The following CLASP2 variants were observed in gnomAD, a reference collection of about 807,000 sequenced individuals.
CLASP2 encodes the protein CLIP-associating protein 2.
In CLASP2, 47 loss-of-function variants were observed where a neutral mutation model predicts 194.4. The observed-to-expected ratio is 0.24, with a 90% CI of 0.19 to 0.31. CLASP2 has a LOEUF of 0.31. Ranked by LOEUF, CLASP2 falls within the 10% of genes least tolerant of loss-of-function variation. The pLI is 1.00. For missense variants in CLASP2, 1,445 were observed against 1,823.6 expected (o/e 0.79, Z 3.78); for synonymous variants, 619 against 633.5 (o/e 0.98, Z 0.34).
intron 38 of CLASP2, among the ~76,000 whole-genome samples, chr3:33,499,550 C>T (rs1575539777): frequency 6.6e-6 from 1 of 151,938 alleles, no homozygotes; most frequent in Non-Finnish European, 1.5e-5. Flanking sequence ...GGGATTTCAC[C>T]GTGTTAGCCA....
In CLASP2 at chr3:33,559,375, G is replaced by A; in HGVS notation, c.2941C>T (p.Pro981Ser). 2 of 1,586,634 alleles carry A rather than the reference G, an allele frequency of 1.3e-6. No individual in the cohort carries two copies. Among genetic ancestry groups the A allele is most frequent in the Non-Finnish European group, 1.7e-6 (2 of 1,163,136 alleles). ...KALDVTRESFPNDLQFNILMR... is the reference protein window; with the variant it reads ...KALDVTRESFSNDLQFNILMR... ...AGAATATTGAACTGAAGATCATTTGGAAAAGACTCTCTGAAACAAGAACAA... is the reference window on the plus strand; with the variant it reads ...AGAATATTGAACTGAAGATCATTTGAAAAAGACTCTCTGAAACAAGAACAA... The change falls in exon 29 of 39, where the codon CCA (proline) becomes TCA (serine). Residue 981 changes from proline to serine, a missense_variant. Pro to Ser is a moderately conservative substitution (Grantham distance 74). This residue lies in a region of CLASP2 where 732 missense variants were observed against 987.9 expected (regional missense o/e 0.74). Coordinates refer to ENST00000682230, the MANE Select transcript of CLASP2 (RefSeq NM_001365631.1).
rs149694350 is a variant in CLASP2, at chr3:33,714,263, AG to A, written c.195+3544del. Among the ~76,000 whole-genome samples the A allele has an allele frequency of 2.0e-3, 298 of 152,350 alleles. 1 individual carries two copies. Among genetic ancestry groups the A allele is most frequent in the African/African-American group, 7.0e-3 (291 of 41,584 alleles). On this transcript the variant is annotated intron_variant, in intron 1 of 38. Coordinates refer to ENST00000682230, the MANE Select transcript of CLASP2 (RefSeq NM_001365631.1). ...AAAATTTGAGAACTCCTGAAATTGC[AG>A]GACTGTTCTTAGTAAAAGTCAAATG... is the stretch of plus-strand genomic sequence containing the variant.
At chr3:33,684,812 C>T (rs1575576711) in intron 5 of CLASP2, among the ~76,000 whole-genome samples, 1 of 146,042 alleles carries the variant, frequency 6.8e-6, no homozygotes, top group East Asian at 2.1e-4. Flanking sequence ...CCAGTCTGGC[C>T]AACATGGTGA....
rs2046077281 is a variant in CLASP2, at chr3:33,498,503, A to G, written c.*128T>C. On this transcript the variant is annotated 3_prime_UTR_variant, in exon 39 of 39. Transcript: ENST00000682230. ...GTTACAGAAAATACAAAACGAAACG[A>G]AACAAAAAACTAAAACTGGGAAACA... The G allele has an allele frequency of 1.7e-6, 1 of 579,564 alleles. No individual in the cohort carries two copies. Among genetic ancestry groups the G allele is most frequent in the Non-Finnish European group, 3.0e-6 (1 of 328,258 alleles). The allele number at this position is 579,564 out of a possible 1,614,324, so 35.9% of individuals were successfully genotyped here.
chr3:33,691,508 T>C (rs945909378), intron 2 of CLASP2, among the ~76,000 whole-genome samples: 12 of 152,056 alleles, frequency 7.9e-5, no homozygotes, highest in South Asian at 2.1e-4. Flanking sequence ...ACAGAAATGA[T>C]TGTGTAAGAA....
chr3:33,691,317 T>C (rs1238379040), intron 2 of CLASP2, among the ~76,000 whole-genome samples: 3 of 152,236 alleles, frequency 2.0e-5, no homozygotes, highest in East Asian at 3.8e-4. Flanking sequence ...GGTTTATTTA[T>C]AGACACATAT....
Position 33,706,832 on chromosome 3 carries a change from GTGT to G in CLASP2, c.196-9902_196-9900del, listed in dbSNP as rs146502644. Among the ~76,000 whole-genome samples, 725 of 152,046 alleles carry G rather than the reference GTGT, an allele frequency of 4.8e-3. 3 individuals are homozygous for G. Among genetic ancestry groups the G allele is most frequent in the Non-Finnish European group, 8.4e-3 (571 of 67,956 alleles). On this transcript the variant is annotated intron_variant, in intron 1 of 38. Coordinates refer to ENST00000682230, the MANE Select transcript of CLASP2 (RefSeq NM_001365631.1). The stretch of plus-strand genomic sequence containing the variant: ...ATTTTAAAGTTAGTTGGGCATGGTG[GTGT>G]GCGCCTGTAGTCCCAGCTAGTTGGG...
intron 7 of CLASP2, chr3:33,659,379 C>T: frequency 9.5e-7 from 1 of 1,048,810 alleles, no homozygotes. Context: ...CATCAAAACA[C>T]AAGGCATGTG....
chr3:33,716,237 G>C (rs1433137479), intron 1 of CLASP2, among the ~76,000 whole-genome samples: 1 of 152,188 alleles, frequency 6.6e-6, no homozygotes, highest in Non-Finnish European at 1.5e-5. Flanking sequence ...ACATTATCTA[G>C]TGAGGAGCAT....
chr3:33,510,437 G>A, intron 37 of CLASP2, 121 bp downstream of exon 37: 1 of 894,560 alleles, frequency 1.1e-6, no homozygotes, highest in South Asian at 1.7e-5. Flanking sequence ...TCTTTGTCCT[G>A]AATATTGCAG....
At chr3:33,699,737 T>C (rs925906230) in intron 1 of CLASP2, among the ~76,000 whole-genome samples, 10 of 152,038 alleles carry the variant, frequency 6.6e-5, no homozygotes, top group African/African-American at 2.4e-4. Context: ...ATAATAACCA[T>C]AACAATATAC....
At chr3:33,518,945 T>C (rs971964231) in intron 34 of CLASP2, among the ~76,000 whole-genome samples, 1 of 152,208 alleles carries the variant, frequency 6.6e-6, no homozygotes, top group South Asian at 2.1e-4. Context: ...GAAAAGAACA[T>C]AGGCTCTGTA....
At chr3:33,624,134 C>T (rs1358264390) in intron 10 of CLASP2, among the ~76,000 whole-genome samples, 3 of 152,098 alleles carry the variant, frequency 2.0e-5, no homozygotes, top group African/African-American at 7.2e-5. Context: ...GATACACACA[C>T]GTGTACATCT....
At chr3:33,690,165 ATAT>A (rs1427969941) in intron 2 of CLASP2, among the ~76,000 whole-genome samples, 1 of 152,190 alleles carries the variant, frequency 6.6e-6, no homozygotes, top group African/African-American at 2.4e-5. Flanking sequence ...GCAAAACTAA[ATAT>A]TATTTTTCTC....
At chr3:33,608,277 C>A (rs1188613229) in intron 14 of CLASP2, among the ~76,000 whole-genome samples, 1 of 152,152 alleles carries the variant, frequency 6.6e-6, no homozygotes, top group Admixed American at 6.5e-5. Flanking sequence ...AAACTTACAT[C>A]ATATGACTAG....
chr3:33,625,378 ACAC>A lies in CLASP2; in HGVS notation c.1035+1607_1035+1609del, dbSNP rs140238335. Among the ~76,000 whole-genome samples, 768 of 152,144 alleles carry A rather than the reference ACAC, an allele frequency of 5.0e-3. 2 individuals carry two copies. Among genetic ancestry groups the A allele is most frequent in the Middle Eastern group, 0.02 (6 of 294 alleles). Reference sequence around the variant, plus strand: ...AGATTCCTATAACACACACACACACACACATTACATGTATATATATTACACTAA... The same window carrying A: ...AGATTCCTATAACACACACACACACAATTACATGTATATATATTACACTAA... On this transcript the variant is annotated intron_variant, in intron 10 of 38. Transcript: ENST00000682230.
chr3:33,551,484 T>C, intron 29 of CLASP2, 89 bp from the exon 30 acceptor site: 2 of 1,313,384 alleles, frequency 1.5e-6, no homozygotes, highest in Non-Finnish European at 1.0e-6. Context: ...GTGATGATGA[T>C]GATTTTTTTT....
chr3:33,626,812 C>T (rs895242647), intron 10 of CLASP2, among the ~76,000 whole-genome samples, 176 bp downstream of exon 10: 1 of 143,986 alleles, frequency 6.9e-6, no homozygotes, highest in Middle Eastern at 3.5e-3. Flanking sequence ...AAATAAAAAT[C>T]GATCCTAAAT....
chr3:33,713,394 G>A (rs1056193799), intron 1 of CLASP2, among the ~76,000 whole-genome samples: 1 of 152,084 alleles, frequency 6.6e-6, no homozygotes, highest in Non-Finnish European at 1.5e-5. Flanking sequence ...ACAATGTTAA[G>A]AGTAAAGAAT....
Sources: gnomAD v4.1 joint callset for allele counts (sites outside exome capture counted in the v4.1 genomes callset) on GRCh38, gnomAD v4.1.1 for gene constraint, gnomAD v4.1.1 regional missense constraint, MANE v1.5 for transcripts, NCBI Gene and HGNC (gene_info 2026-07-23, HGNC 2026-07-21) for gene names.